The following PCDH7 variants were observed in gnomAD, a reference collection of about 807,000 sequenced individuals.
PCDH7 encodes protocadherin-7.
PCDH7 carries 17 observed loss-of-function variants against 58.9 expected under a neutral mutation model. The ratio of observed to expected loss-of-function variants is 0.29; its 90% CI spans 0.20 to 0.43. The LOEUF is 0.43. Among genes scored for constraint, PCDH7 ranks in the 20% least tolerant of loss-of-function variants. The pLI, the probability that PCDH7 is intolerant of heterozygous loss-of-function variation, is 1.00. For synonymous variants in PCDH7, 664 were observed against 616.4 expected (o/e 1.08, Z -1.14); for missense variants, 1,274 against 1,441.0 (o/e 0.88, Z 1.88).
At chr4:31,018,537 A>G (rs1415702312) in intron 3 of PCDH7, among the ~76,000 whole-genome samples, 1 of 152,168 alleles carries the variant, frequency 6.6e-6, no homozygotes, top group African/African-American at 2.4e-5. Flanking sequence ...TTCAATCCCA[A>G]AATAAAAGCA....
intron 1 of PCDH7, among the ~76,000 whole-genome samples, chr4:30,917,906 CT>C (rs964540006): frequency 3.3e-5 from 5 of 152,060 alleles, no homozygotes; most frequent in African/African-American, 9.7e-5. Context: ...AAATGTCACT[CT>C]TTTTTTCTAC....
intron 1 of PCDH7, among the ~76,000 whole-genome samples, chr4:30,887,963 C>A (rs534376552): frequency 6.6e-6 from 1 of 151,688 alleles, no homozygotes; most frequent in African/African-American, 2.4e-5. Context: ...GCAACCTCTG[C>A]CTCCCGGGTG....
At chr4:31,020,928 C>T (rs946493761) in intron 3 of PCDH7, among the ~76,000 whole-genome samples, 36 of 152,232 alleles carry the variant, frequency 2.4e-4, no homozygotes, top group Admixed American at 1.1e-3. Flanking sequence ...TTTTTCTCCT[C>T]CTCCGTTTTC....
intron 1 of PCDH7, among the ~76,000 whole-genome samples, chr4:30,902,126 G>A (rs562483509): frequency 6.6e-6 from 1 of 152,288 alleles, no homozygotes; most frequent in Non-Finnish European, 1.5e-5. Context: ...TGCATTTTAA[G>A]TACAAACACT....
chr4:30,903,546 C>G (rs1740504104), intron 1 of PCDH7, among the ~76,000 whole-genome samples: 2 of 152,134 alleles, frequency 1.3e-5, no homozygotes, highest in Admixed American at 1.3e-4. Context: ...ATAGAGCACT[C>G]TACAGTGTAA....
intron 1 of PCDH7, among the ~76,000 whole-genome samples, chr4:30,904,613 T>C (rs1740673794): frequency 6.6e-6 from 1 of 152,236 alleles, no homozygotes; most frequent in East Asian, 1.9e-4. Flanking sequence ...TCTATTTTTC[T>C]ACTTAGCACA....
At chr4:30,845,800 C>G (rs1731861006) in intron 1 of PCDH7, among the ~76,000 whole-genome samples, 3 of 152,006 alleles carry the variant, frequency 2.0e-5, no homozygotes, top group African/African-American at 7.3e-5. Flanking sequence ...ATTACATTGC[C>G]CAGGCTGGTC....
At chr4:31,082,868 AAGGG>A (rs1711715905) in intron 3 of PCDH7, among the ~76,000 whole-genome samples, 1 of 152,064 alleles carries the variant, frequency 6.6e-6, no homozygotes, top group Admixed American at 6.5e-5. Flanking sequence ...TTGGGAGGCC[AAGGG>A]CCAAGGTGGG....
At chr4:30,790,818 G>A (rs201006964) in intron 1 of PCDH7, among the ~76,000 whole-genome samples, 2 of 152,064 alleles carry the variant, frequency 1.3e-5, no homozygotes, top group East Asian at 3.9e-4. Flanking sequence ...CAGCTCTCAG[G>A]AGGCTGAGGT....
chr4:30,955,406 G>A (rs1747750367), intron 3 of PCDH7, among the ~76,000 whole-genome samples: 1 of 152,164 alleles, frequency 6.6e-6, no homozygotes, highest in South Asian at 2.1e-4. Flanking sequence ...AGAATAGTCT[G>A]TGTTGTGAAA....
intron 3 of PCDH7, among the ~76,000 whole-genome samples, chr4:31,014,568 C>T (rs1185741343): frequency 2.0e-5 from 3 of 152,166 alleles, no homozygotes; most frequent in Non-Finnish European, 4.4e-5. Context: ...TAGATAATCA[C>T]ACCTATATTT....
intron 3 of PCDH7, among the ~76,000 whole-genome samples, chr4:31,096,289 T>C (rs978807887): frequency 6.6e-6 from 1 of 152,320 alleles, no homozygotes; most frequent in African/African-American, 2.4e-5. Context: ...TGTTTACCTT[T>C]TACCAAGTTT....
At chr4:30,993,544 G>A (rs1467291724) in intron 3 of PCDH7, among the ~76,000 whole-genome samples, 1 of 152,060 alleles carries the variant, frequency 6.6e-6, no homozygotes, top group East Asian at 1.9e-4. Flanking sequence ...CCTAATGTAA[G>A]TATTAGGTAA....
At chr4:30,842,836 C>A (rs963638256) in intron 1 of PCDH7, among the ~76,000 whole-genome samples, 4 of 152,098 alleles carry the variant, frequency 2.6e-5, no homozygotes, top group African/African-American at 9.7e-5. Context: ...CAGCAGGGGG[C>A]ACGTTGGATA....
At position 31,087,370 on chromosome 4, in the gene PCDH7, T is replaced by G. The variant is rs1049642008; in HGVS notation, c.*8-55103T>G. On this transcript the variant is annotated intron_variant, in intron 3 of 3. Coordinates refer to the PCDH7 transcript ENST00000509759. ...CAGTAGGAAGATTTATATGAAAAGG[T>G]TGATGAATGATACTATTCTTAAGGA... 3.1e-4 allele frequency among the ~76,000 whole-genome samples: 47 copies of G among 152,148 alleles called. 1 individual carries two copies. Among genetic ancestry groups the G allele is most frequent in the Admixed American group, 2.6e-3 (40 of 15,262 alleles).
intron 3 of PCDH7, among the ~76,000 whole-genome samples, chr4:30,963,854 A>T (rs1483447859): frequency 1.3e-5 from 2 of 152,232 alleles, no homozygotes; most frequent in Non-Finnish European, 2.9e-5. Flanking sequence ...CTGAATTCAG[A>T]AGATCACTCT....
At chr4:30,748,539 A>T (rs892964213) in intron 1 of PCDH7, among the ~76,000 whole-genome samples, 7 of 152,164 alleles carry the variant, frequency 4.6e-5, no homozygotes, top group Admixed American at 3.9e-4. Context: ...CACTCCTGAG[A>T]TAACTAATCC....
chr4:30,820,486 T>C (rs761915923), intron 1 of PCDH7, among the ~76,000 whole-genome samples: 2 of 152,136 alleles, frequency 1.3e-5, no homozygotes, highest in Admixed American at 6.6e-5. Flanking sequence ...AGAACCACAT[T>C]GGCAGCAAAC....
chr4:30,977,681 C>CTAT (rs1250208145), intron 3 of PCDH7, among the ~76,000 whole-genome samples: 1 of 152,052 alleles, frequency 6.6e-6, no homozygotes, highest in Non-Finnish European at 1.5e-5. Flanking sequence ...TTTGGAGCTC[C>CTAT]TATTATTCAT....
Sources: allele counts gnomAD v4.1 joint callset (sites outside exome capture counted in the v4.1 genomes callset), GRCh38; gene constraint gnomAD v4.1.1; transcripts MANE v1.5; gene names NCBI Gene and HGNC (gene_info 2026-07-23, HGNC 2026-07-21).